CDYL: variants seen among roughly 807,000 people sequenced by gnomAD.
CDYL encodes chromodomain Y-like protein.
A neutral mutation model predicts 47.3 loss-of-function variants in CDYL; 8 were observed. The ratio of observed to expected loss-of-function variants is 0.17; its 90% confidence interval spans 0.10 to 0.31. The LOEUF is 0.31. Among genes scored for constraint, CDYL ranks in the 10% least tolerant of loss-of-function variants. The pLI is 1.00. For missense variants in CDYL, 471 were observed against 701.4 expected (o/e 0.67, Z 3.71); for synonymous variants, 266 against 265.0 (o/e 1.00, Z -0.04).
At chr6:4,885,891 C>G (rs1561686787) in intron 1 of CDYL, among the ~76,000 whole-genome samples, 1 of 152,146 alleles carries the variant, frequency 6.6e-6, no homozygotes, top group South Asian at 2.1e-4. Context: ...TATCCATTAG[C>G]TATCATCTTC....
chr6:4,707,041 T>C (rs1464014457), intron 1 of CDYL, among the ~76,000 whole-genome samples: 4 of 152,098 alleles, frequency 2.6e-5, no homozygotes, highest in African/African-American at 7.2e-5. Context: ...TACCAGGTGT[T>C]TTCTACAATA....
intron 1 of CDYL, among the ~76,000 whole-genome samples, chr6:4,864,806 T>A (rs1377709349): frequency 6.6e-6 from 1 of 152,128 alleles, no homozygotes; most frequent in Non-Finnish European, 1.5e-5. Context: ...ATTAAACCTC[T>A]TTTTGTTCTC....
At chr6:4,725,739 A>G (rs1326399621) in intron 2 of CDYL, among the ~76,000 whole-genome samples, 1 of 152,226 alleles carries the variant, frequency 6.6e-6, no homozygotes, top group Admixed American at 6.5e-5. Context: ...TGGCCAGCCC[A>G]GAAAGGGGCT....
At chr6:4,895,523 A>G (rs896950052) in intron 2 of CDYL, among the ~76,000 whole-genome samples, 1 of 149,376 alleles carries the variant, frequency 6.7e-6, no homozygotes. Context: ...ATGTATATAT[A>G]CATGTATACA....
chr6:4,758,911 CAT>C (rs1276045827), intron 3 of CDYL, among the ~76,000 whole-genome samples: 2 of 150,144 alleles, frequency 1.3e-5, no homozygotes, highest in Non-Finnish European at 3.0e-5. Flanking sequence ...AATAAACAGA[CAT>C]AGAGTGAAGA....
At chr6:4,824,535 G>A (rs539244718) in intron 1 of CDYL, among the ~76,000 whole-genome samples, 1 of 152,262 alleles carries the variant, frequency 6.6e-6, no homozygotes, top group African/African-American at 2.4e-5. Flanking sequence ...TTGGAGAAAT[G>A]TCTAGTCCTT....
intron 2 of CDYL, among the ~76,000 whole-genome samples, chr6:4,901,734 C>A (rs914749751): frequency 6.6e-6 from 1 of 152,162 alleles, no homozygotes; most frequent in Non-Finnish European, 1.5e-5. Context: ...TCAAGACTTT[C>A]GCTTCTGTGT....
intron 1 of CDYL, among the ~76,000 whole-genome samples, chr6:4,831,424 T>C (rs1287060252): frequency 1.3e-5 from 2 of 152,220 alleles, no homozygotes; most frequent in Non-Finnish European, 2.9e-5. Flanking sequence ...CTCTGTTCTG[T>C]TCCATTGATC....
chr6:4,756,588 G>GTC (rs79663951), intron 3 of CDYL, among the ~76,000 whole-genome samples: 12,773 of 151,446 alleles, frequency 0.084, 551 homozygotes, highest in South Asian at 0.13. Flanking sequence ...GTATGTGTGT[G>GTC]TGTGTGTGTG....
At chr6:4,769,553 C>T (rs998177122) in intron 3 of CDYL, among the ~76,000 whole-genome samples, 4 of 152,018 alleles carry the variant, frequency 2.6e-5, no homozygotes, top group East Asian at 3.8e-4. Context: ...AAAGCAATTG[C>T]GTAAAAGTCA....
chr6:4,799,818 AC>A (rs1443326248), intron 1 of CDYL, among the ~76,000 whole-genome samples: 1 of 152,016 alleles, frequency 6.6e-6, no homozygotes, highest in African/African-American at 2.4e-5. Context: ...ATTTCCAAAT[AC>A]GATTGTGCAT....
At chr6:4,812,031 C>T (rs902585177) in intron 1 of CDYL, among the ~76,000 whole-genome samples, 5 of 152,158 alleles carry the variant, frequency 3.3e-5, no homozygotes, top group African/African-American at 1.2e-4. Context: ...GTTAGAAATG[C>T]AGACTCTGAG....
intron 2 of CDYL, among the ~76,000 whole-genome samples, chr6:4,910,751 G>A (rs970352586): frequency 6.6e-6 from 1 of 152,208 alleles, no homozygotes; most frequent in Non-Finnish European, 1.5e-5. Flanking sequence ...TGTTGGAAGC[G>A]ATGGTTTGGA....
At chr6:4,724,901 A>C (rs1757476189) in intron 2 of CDYL, 1 of 152,210 alleles carries the variant, frequency 6.6e-6, no homozygotes, top group African/African-American at 2.4e-5. Context: ...TGGCTCGGGC[A>C]GCCTGCTTTT....
At chr6:4,819,162 C>CTCTCTGTG (rs1016051589) in intron 1 of CDYL, among the ~76,000 whole-genome samples, 25 of 112,002 alleles carry the variant, frequency 2.2e-4, no homozygotes, top group African/African-American at 5.8e-4. Flanking sequence ...CTCTCTCTCT[C>CTCTCTGTG]TGTGTGTGTG....
Position 4,882,796 on chromosome 6 carries a change from G to A in CDYL, c.25-8917G>A, listed in dbSNP as rs527269917. Among the ~76,000 whole-genome samples, 6 of 152,322 alleles carry A rather than the reference G, an allele frequency of 3.9e-5. No homozygotes were observed. In the South Asian group the frequency reaches 1.2e-3, roughly 32 times the overall value. On this transcript the variant is annotated intron_variant, in intron 1 of 6. Transcript: ENST00000397588. ...GACAAACACCTGTGGGAAAATATTA[G>A]TGTCTAATAAGATCATCAACTAGTA... is the stretch of plus-strand genomic sequence containing the variant.
chr6:4,817,365 A>AAAC (rs1561651782), intron 1 of CDYL, among the ~76,000 whole-genome samples: 1 of 151,854 alleles, frequency 6.6e-6, no homozygotes, highest in African/African-American at 2.4e-5. Flanking sequence ...TAAAAAAAAA[A>AAAC]AAAACTGTGA....
At chr6:4,851,436 A>G (rs993429669) in intron 1 of CDYL, among the ~76,000 whole-genome samples, 2 of 152,136 alleles carry the variant, frequency 1.3e-5, no homozygotes, top group African/African-American at 2.4e-5. Context: ...AACTTTCCCT[A>G]TAGGTGGTTA....
intron 1 of CDYL, among the ~76,000 whole-genome samples, chr6:4,870,354 G>A (rs1043631723): frequency 2.0e-5 from 3 of 152,134 alleles, no homozygotes; most frequent in Non-Finnish European, 4.4e-5. Context: ...CATCATTTCT[G>A]ATGAAGAGTC....
Sources: allele counts gnomAD v4.1 joint callset (sites outside exome capture counted in the v4.1 genomes callset), GRCh38; gene constraint gnomAD v4.1.1; transcripts MANE v1.5; gene names NCBI Gene and HGNC (gene_info 2026-07-23, HGNC 2026-07-21).